Variants in PLAGL1 observed in about 807,000 individuals in gnomAD.
PLAGL1 encodes PLAG1 like zinc finger 1, also known as zinc finger protein PLAGL1.
A neutral mutation model predicts 4.6 loss-of-function variants in PLAGL1; 1 was observed. The observed-to-expected ratio is 0.22, with a 90% CI of 0.08 to 1.03. The LOEUF (loss-of-function observed/expected upper bound fraction) is 1.03, where lower values mean the gene tolerates loss of function less well. PLAGL1 is among the 50% of genes least tolerant of loss of function. PLAGL1 has a pLI of 0.58. For missense variants in PLAGL1, 464 were observed against 570.4 expected (o/e 0.81, Z 1.90); for synonymous variants, 240 against 237.8 (o/e 1.01, Z -0.08).
At chr6:144,023,400 T>C (rs1400889733) in intron 1 of PLAGL1, among the ~76,000 whole-genome samples, 2 of 151,936 alleles carry the variant, frequency 1.3e-5, no homozygotes, top group African/African-American at 4.8e-5. Context: ...AATCCCAGGA[T>C]GGAATGCAGA....
chr6:144,035,682 C>G (rs540257310), intron 1 of PLAGL1, among the ~76,000 whole-genome samples: 1 of 152,300 alleles, frequency 6.6e-6, no homozygotes, highest in African/African-American at 2.4e-5. Flanking sequence ...GGCTTTGTGT[C>G]AAATCCCTGT....
rs1785775715 is a variant in PLAGL1 at position 143,973,301 on chromosome 6, CA to C, written c.-543-4324del. On this transcript the variant is annotated intron_variant, in intron 2 of 7. Coordinates refer to ENST00000674357, the MANE Select transcript of PLAGL1 (RefSeq NM_001317162.2). The surrounding 1 kb of genome is among the most constrained non-coding windows in gnomAD (Gnocchi z 6.2). The stretch of plus-strand genomic sequence containing the variant: ...TAGGCCCAGCCCAGACAAACAGCGA[CA>C]GGTTTCCTTGAGACAAGGAGAGGGC... 6.6e-6 allele frequency among the ~76,000 whole-genome samples: 1 copy of C among 152,186 alleles called. No individual in the cohort carries two copies.
chr6:143,991,369 T>G (rs1354237347), intron 1 of PLAGL1, among the ~76,000 whole-genome samples: 1 of 152,232 alleles, frequency 6.6e-6, no homozygotes, highest in Non-Finnish European at 1.5e-5. Flanking sequence ...GAATGTGGAC[T>G]TCTTGGAGTC....
intron 1 of PLAGL1, among the ~76,000 whole-genome samples, chr6:144,052,154 T>C (rs1418624701): frequency 1.3e-5 from 2 of 152,158 alleles, no homozygotes; most frequent in Non-Finnish European, 1.5e-5. Flanking sequence ...AAATAAATAT[T>C]TGTCCTAAGA....
At chr6:144,037,585 T>A (rs534149368) in intron 1 of PLAGL1, 2 of 152,162 alleles carry the variant, frequency 1.3e-5, no homozygotes, top group African/African-American at 4.8e-5. Flanking sequence ...AGAGCAAGAC[T>A]CCATTTCTAA....
At position 144,034,533 on chromosome 6, in the gene PLAGL1, AAATC is replaced by A. The variant is rs1482587096; in HGVS notation, c.-151+29931_-151+29934del. Among the ~76,000 whole-genome samples the A allele has an allele frequency of 6.6e-6, 1 of 152,222 alleles. No individual in the cohort carries two copies. Among genetic ancestry groups the A allele is most frequent in the Non-Finnish European group, 1.5e-5 (1 of 68,038 alleles). ...CCTCCTCTCATTCAGGGGGTTCAAT[AAATC>A]ATCTGCCAGAAAGGAAGTGTGCAGC... On this transcript the variant is annotated intron_variant, in intron 1 of 3. Coordinates refer to the PLAGL1 transcript ENST00000437412. This position sits in a 1 kb window ranked among gnomAD's most constrained non-coding sequence, Gnocchi z 4.7.
Position 143,982,228 on chromosome 6 carries a change from A to G in PLAGL1, c.-544+2907T>C, listed in dbSNP as rs1156397721. Among the ~76,000 whole-genome samples, 2 of 152,200 alleles carry G rather than the reference A, an allele frequency of 1.3e-5. No individual in the cohort carries two copies. The highest frequency in any genetic ancestry group is 4.8e-5 in the African/African-American group (2 of 41,442). ...TTAGCAGTGAAAACAGTGTCAATTT[A>G]AAACAGGCTGGTCAGGGAAAAAGGC... On this transcript the variant is annotated intron_variant, in intron 2 of 7. Transcript: ENST00000674357. The surrounding 1 kb of genome is among the most constrained non-coding windows in gnomAD (Gnocchi z 5.3).
intron 1 of PLAGL1, among the ~76,000 whole-genome samples, chr6:144,049,065 G>A (rs1439890769): frequency 6.6e-6 from 1 of 152,198 alleles, no homozygotes; most frequent in Non-Finnish European, 1.5e-5. Context: ...GTTCAAAGTT[G>A]CACAGATCTC....
Position 143,997,968 on chromosome 6 carries a change from C to G in PLAGL1, c.-584+10122G>C, listed in dbSNP as rs548569936. The stretch of plus-strand genomic sequence containing the variant: ...CCTCAACAGAAGCAGAGAAAAAGTA[C>G]TTTATGAAAGATAATTAGACTCTTT... On this transcript the variant is annotated intron_variant, in intron 1 of 7. Coordinates refer to ENST00000674357, the MANE Select transcript of PLAGL1 (RefSeq NM_001317162.2). The surrounding 1 kb of genome is among the most constrained non-coding windows in gnomAD (Gnocchi z 4.6). Among the ~76,000 whole-genome samples the G allele has an allele frequency of 3.9e-5, 6 of 152,110 alleles. No homozygotes were observed. The highest frequency in any genetic ancestry group is 8.8e-5 in the Non-Finnish European group (6 of 68,024).
At position 143,985,840 on chromosome 6, in the gene PLAGL1, A is replaced by C. The variant is rs536002094; in HGVS notation, c.-583-666T>G. Among the ~76,000 whole-genome samples the C allele has an allele frequency of 1.3e-5, 2 of 150,912 alleles. No individual in the cohort carries two copies. The highest frequency in any genetic ancestry group is 2.9e-5 in the Non-Finnish European group (2 of 67,816). ...ACAGATTCCATATTTTCAATATATT[A>C]CTAACAAGAAACCTCTGAGTGCTTA... On this transcript the variant is annotated intron_variant, in intron 1 of 7. Coordinates refer to ENST00000674357, the MANE Select transcript of PLAGL1 (RefSeq NM_001317162.2). The surrounding 1 kb of genome is among the most constrained non-coding windows in gnomAD (Gnocchi z 4.4).
rs945802649 is a variant in PLAGL1, at chr6:143,948,449, C to G, written c.-313G>C. 1 of 272,236 alleles carries G rather than the reference C, an allele frequency of 3.7e-6. No individual in the cohort carries two copies. Among genetic ancestry groups the G allele is most frequent in the Non-Finnish European group, 7.1e-6 (1 of 140,336 alleles). The allele number at this position is 272,236 out of a possible 1,614,324, so 16.9% of individuals were successfully genotyped here. A position where few individuals can be genotyped will look rare whatever the true frequency, so the allele number is the denominator to read the frequency against. ...ACTATAGCTGGGGCATGTCCTGGGTCCCCCGGATTGGCTGTGGAGAGAAGA... is the reference window on the plus strand; with the variant it reads ...ACTATAGCTGGGGCATGTCCTGGGTGCCCCGGATTGGCTGTGGAGAGAAGA... On this transcript the variant is annotated 5_prime_UTR_variant, in exon 7 of 8. Coordinates refer to ENST00000674357, the MANE Select transcript of PLAGL1 (RefSeq NM_001317162.2). The surrounding 1 kb of genome is among the most constrained non-coding windows in gnomAD (Gnocchi z 6.0).
Position 144,055,166 on chromosome 6 carries a change from G to A in PLAGL1, c.-151+9302C>T, listed in dbSNP as rs1287787738. On this transcript the variant is annotated intron_variant, in intron 1 of 3. Coordinates refer to the PLAGL1 transcript ENST00000437412. The surrounding 1 kb of genome is among the most constrained non-coding windows in gnomAD (Gnocchi z 5.0). ...AAGAAATGTCTAATGAGCACGGAGA[G>A]GCATATCCACAGATATTCATATCCA... is the stretch of plus-strand genomic sequence containing the variant. Among the ~76,000 whole-genome samples, 1 of 150,760 alleles carries A rather than the reference G, an allele frequency of 6.6e-6. No individual in the cohort carries two copies. Among genetic ancestry groups the A allele is most frequent in the African/African-American group, 2.4e-5 (1 of 41,210 alleles).
At position 143,959,667 on chromosome 6, in the gene PLAGL1, T is replaced by C. The variant is rs558622632; in HGVS notation, c.-325+802A>G. ...CTAAGAGATAGGTAGAAGGGCATCATTGTCCCCATTTCACAAATGAGGAAA... is the reference window on the plus strand; with the variant it reads ...CTAAGAGATAGGTAGAAGGGCATCACTGTCCCCATTTCACAAATGAGGAAA... On this transcript the variant is annotated intron_variant, in intron 6 of 7. Coordinates refer to ENST00000674357, the MANE Select transcript of PLAGL1 (RefSeq NM_001317162.2). The surrounding 1 kb of genome is among the most constrained non-coding windows in gnomAD (Gnocchi z 5.3). Among the ~76,000 whole-genome samples, 2 of 152,330 alleles carry C rather than the reference T, an allele frequency of 1.3e-5. No individual in the cohort carries two copies. The highest frequency in any genetic ancestry group is 2.1e-4 in the South Asian group (1 of 4,824).
In PLAGL1 at chr6:144,004,570, G is replaced by T. The variant is rs1361600004; in HGVS notation, c.-584+3520C>A. Among the ~76,000 whole-genome samples, 1 of 152,236 alleles carries T rather than the reference G, an allele frequency of 6.6e-6. No individual in the cohort carries two copies. Among genetic ancestry groups the T allele is most frequent in the East Asian group, 1.9e-4 (1 of 5,208 alleles). ...CATGGTCATAGAAATCGGGACAGTA[G>T]TTGACTGGGGGAAGCGAGTGGCTCC... On this transcript the variant is annotated intron_variant, in intron 1 of 7. Coordinates refer to ENST00000674357, the MANE Select transcript of PLAGL1 (RefSeq NM_001317162.2). The surrounding 1 kb of genome is among the most constrained non-coding windows in gnomAD (Gnocchi z 4.2).
intron 1 of PLAGL1, among the ~76,000 whole-genome samples, chr6:144,049,034 A>G (rs951992816): frequency 1.3e-5 from 2 of 152,180 alleles, no homozygotes; most frequent in African/African-American, 2.4e-5. Context: ...TTTGCCAGTT[A>G]CCCTAAATAA....
rs1784334743 is a variant in PLAGL1 at position 143,965,895 on chromosome 6, T to C, written c.-431+263A>G. 1 of 152,118 alleles carries C rather than the reference T, an allele frequency of 6.6e-6. No homozygotes were observed. The highest frequency in any genetic ancestry group is 2.4e-5 in the African/African-American group (1 of 41,394). The allele number at this position is 152,118 out of a possible 1,614,324, so 9.4% of individuals were successfully genotyped here. A position where few individuals can be genotyped will look rare whatever the true frequency, so the allele number is the denominator to read the frequency against. On this transcript the variant is annotated intron_variant, in intron 4 of 7. Transcript: ENST00000674357. The surrounding 1 kb of genome is among the most constrained non-coding windows in gnomAD (Gnocchi z 7.5). ...GTGGTGCCCAGAAACTTGGCAGGGA[T>C]AGGGTGGTTGCATGGGGAGGGATGC...
At position 143,985,982 on chromosome 6, in the gene PLAGL1, TTATATATATATATATA is replaced by T. The variant is rs55768066; in HGVS notation, c.-583-824_-583-809del. On this transcript the variant is annotated intron_variant, in intron 1 of 7. Coordinates refer to ENST00000674357, the MANE Select transcript of PLAGL1 (RefSeq NM_001317162.2). The surrounding 1 kb of genome is among the most constrained non-coding windows in gnomAD (Gnocchi z 4.4). ...TATATCAAATTATATATATATAAAATTATATATATATATATATATATATATATATCATTTAATCCTT... is the reference window on the plus strand; with the variant it reads ...TATATCAAATTATATATATATAAAATTATATATATATATCATTTAATCCTT... Among the ~76,000 whole-genome samples, 6 of 111,584 alleles carry T rather than the reference TTATATATATATATATA, an allele frequency of 5.4e-5. No homozygotes were observed. The East Asian group carries it at 1.1e-3, about 20-fold the overall frequency. 73.2% of individuals were successfully genotyped at this position (111,584 alleles called of 152,430 possible).
At position 143,997,717 on chromosome 6, in the gene PLAGL1, A is replaced by T. The variant is rs190150571; in HGVS notation, c.-584+10373T>A. Among the ~76,000 whole-genome samples the T allele has an allele frequency of 1.7e-3, 263 of 150,484 alleles. No individual in the cohort carries two copies. The highest frequency in any genetic ancestry group is 6.1e-3 in the African/African-American group (255 of 41,466). Reference sequence around the variant, plus strand: ...GAGGGGGCTGGCGGGGAAGGAATAGATAAAACTAATCTACAGTGATGGACA... The same window carrying T: ...GAGGGGGCTGGCGGGGAAGGAATAGTTAAAACTAATCTACAGTGATGGACA... On this transcript the variant is annotated intron_variant, in intron 1 of 7. Transcript: ENST00000674357. This position sits in a 1 kb window ranked among gnomAD's most constrained non-coding sequence, Gnocchi z 4.6.
In PLAGL1 at chr6:143,982,062, C is replaced by T. The variant is rs540011135; in HGVS notation, c.-544+3073G>A. 6.6e-6 allele frequency among the ~76,000 whole-genome samples: 1 copy of T among 152,166 alleles called. No individual in the cohort carries two copies. The highest frequency in any genetic ancestry group is 1.9e-4 in the East Asian group (1 of 5,176). ...CGCAAAAATTCCTACCCTTGTGAAG[C>T]GCACCAATGAATTAAGCTTATCTTT... On this transcript the variant is annotated intron_variant, in intron 2 of 7. Coordinates refer to ENST00000674357, the MANE Select transcript of PLAGL1 (RefSeq NM_001317162.2). The surrounding 1 kb of genome is among the most constrained non-coding windows in gnomAD (Gnocchi z 5.3).
Sources: gnomAD v4.1 joint callset for allele counts (sites outside exome capture counted in the v4.1 genomes callset) on GRCh38, gnomAD v4.1.1 for gene constraint, Gnocchi (gnomAD v3.1) non-coding constraint, MANE v1.5 for transcripts, NCBI Gene and HGNC (gene_info 2026-07-23, HGNC 2026-07-21) for gene names.